RUSC2: variants seen among roughly 807,000 people sequenced by gnomAD.
RUSC2 encodes AP-4 complex accessory subunit RUSC2.
A neutral mutation model predicts 122.2 loss-of-function variants in RUSC2; 34 were observed. That is an observed-to-expected ratio of 0.28 (90% CI 0.21 to 0.37). RUSC2 has a LOEUF of 0.37. Among genes scored for constraint, RUSC2 ranks in the 10% least tolerant of loss-of-function variants. RUSC2 has a pLI of 1.00. For synonymous variants in RUSC2, 784 were observed against 790.0 expected (o/e 0.99, Z 0.13); for missense variants, 1,747 against 1,952.4 (o/e 0.89, Z 1.98).
chr9:35,551,911 A>T (rs1379572997), intron 2 of RUSC2, among the ~76,000 whole-genome samples: 4 of 151,894 alleles, frequency 2.6e-5, no homozygotes, highest in Admixed American at 6.6e-5. Context: ...AAAAAAATTT[A>T]AAAACAGCTG....
At chr9:35,511,799 ATTC>A (rs1252654592) in intron 1 of RUSC2, among the ~76,000 whole-genome samples, 3 of 152,174 alleles carry the variant, frequency 2.0e-5, no homozygotes, top group Non-Finnish European at 2.9e-5. Flanking sequence ...GCTTTTTGTA[ATTC>A]TTCTATTTTT....
chr9:35,493,591 C>T (rs1244956661), intron 1 of RUSC2, among the ~76,000 whole-genome samples: 1 of 152,138 alleles, frequency 6.6e-6, no homozygotes, highest in African/African-American at 2.4e-5. Flanking sequence ...GCAACTTTTG[C>T]CTCCCAGTTC....
intron 1 of RUSC2, among the ~76,000 whole-genome samples, chr9:35,532,101 G>C (rs1821432315): frequency 6.6e-6 from 1 of 152,216 alleles, no homozygotes; most frequent in African/African-American, 2.4e-5. Context: ...GTAGTTGTCT[G>C]AATGTAAAGA....
intron 1 of RUSC2, among the ~76,000 whole-genome samples, chr9:35,494,518 T>C (rs1820635318): frequency 1.3e-5 from 2 of 152,142 alleles, no homozygotes; most frequent in South Asian, 4.1e-4. Context: ...TATCTCATGA[T>C]TTTGATTCAT....
rs776549570 is a variant in RUSC2 at position 35,561,255 on chromosome 9, G to A, written c.4424G>A (p.Arg1475Gln). The change falls in exon 12 of 12, where the codon CGA becomes CAA. Residue 1475 changes from arginine to glutamine, a missense_variant. Coordinates refer to ENST00000361226, the MANE Select transcript of RUSC2 (RefSeq NM_014806.5). Reference sequence around the variant, plus strand: ...AGCTTCCACAAAGGAGACATCCTACGAGTGCTGGGGCGAGCTGGAGGAGAC... The same window carrying A: ...AGCTTCCACAAAGGAGACATCCTACAAGTGCTGGGGCGAGCTGGAGGAGAC... ...QLSFHKGDIL[R>Q]VLGRAGGDWL... The A allele has an allele frequency of 4.0e-5, 65 of 1,614,094 alleles. No individual in the cohort carries two copies. Among genetic ancestry groups the A allele is most frequent in the Middle Eastern group, 1.6e-4 (1 of 6,084 alleles).
At chr9:35,519,573 A>G (rs1821173181) in intron 1 of RUSC2, among the ~76,000 whole-genome samples, 1 of 152,208 alleles carries the variant, frequency 6.6e-6, no homozygotes, top group South Asian at 2.1e-4. Flanking sequence ...TGACTGATTC[A>G]GTCCTAGTGT....
rs1451868646 is a variant in RUSC2 at position 35,546,922 on chromosome 9, A to G, written c.401A>G (p.His134Arg). ...GCCACCCAGCAGTCCTTCCACCTGC[A>G]TGGCACTGGCCAGCCCAACTTTCAT... ...DSATQQSFHLHGTGQPNFHLS... is the reference protein window; with the variant it reads ...DSATQQSFHLRGTGQPNFHLS... Residue 134 changes from histidine (H) to arginine (R), a missense_variant, in exon 2 of 12, where the codon CAT becomes CGT. Physicochemically the swap from His to Arg is conservative, Grantham distance 29. Coordinates refer to ENST00000361226, the MANE Select transcript of RUSC2 (RefSeq NM_014806.5). The surrounding 1 kb of genome is among the most constrained non-coding windows in gnomAD (Gnocchi z 4.3). 3.8e-6 allele frequency: 6 copies of G among 1,575,474 alleles called. No homozygotes were observed. In the East Asian group the frequency reaches 6.7e-5, roughly 18 times the overall value.
intron 1 of RUSC2, among the ~76,000 whole-genome samples, chr9:35,545,402 C>T (rs1404400468): frequency 6.6e-6 from 1 of 152,222 alleles, no homozygotes. Context: ...GAGACTAGAA[C>T]TTGAGCAGGC....
chr9:35,542,315 C>T (rs1821657415), intron 1 of RUSC2, among the ~76,000 whole-genome samples: 1 of 152,148 alleles, frequency 6.6e-6, no homozygotes, highest in Non-Finnish European at 1.5e-5. Flanking sequence ...AACTATACAG[C>T]TTTTAGAAGA....
Position 35,547,780 on chromosome 9 carries a change from G to T in RUSC2, c.1259G>T (p.Cys420Phe), listed in dbSNP as rs766484254. 1.5e-5 allele frequency: 24 copies of T among 1,614,114 alleles called. No individual in the cohort carries two copies. The highest frequency in any genetic ancestry group is 2.0e-5 in the Non-Finnish European group (24 of 1,180,034). Residue 420 changes from cysteine (C) to phenylalanine (F), a missense_variant, in exon 2 of 12, where the codon TGC becomes TTC. Physicochemically the swap from Cys to Phe is radical, Grantham distance 205. Coordinates refer to ENST00000361226, the MANE Select transcript of RUSC2 (RefSeq NM_014806.5). The surrounding 1 kb of genome is among the most constrained non-coding windows in gnomAD (Gnocchi z 4.6). ...CCTGCTGGCTCTTCCATCACTAGCT[G>T]CTCTGAGGAACACACCAAGATAAGT... ...PSPAGSSITS[C>F]SEEHTKISPP... is the part of the protein sequence containing the mutation.
chr9:35,497,858 T>C (rs114507523), intron 1 of RUSC2, among the ~76,000 whole-genome samples: 260 of 152,336 alleles, frequency 1.7e-3, no homozygotes, highest in African/African-American at 5.4e-3. Flanking sequence ...GTGAAAGATA[T>C]GTATCTACAT....
chr9:35,561,678 G>A lies in RUSC2; in HGVS notation c.*296G>A, dbSNP rs1458527409. ...GTGAAGACAAGCAAGTCCCCCTGGA[G>A]GCGGGTGGCCCAGAAAGCCATCTAC... is the stretch of plus-strand genomic sequence containing the variant. On this transcript the variant is annotated 3_prime_UTR_variant, in exon 12 of 12. Coordinates refer to ENST00000361226, the MANE Select transcript of RUSC2 (RefSeq NM_014806.5). 4 of 532,402 alleles carry A rather than the reference G, an allele frequency of 7.5e-6. No individual in the cohort carries two copies. Among genetic ancestry groups the A allele is most frequent in the Non-Finnish European group, 1.3e-5 (4 of 303,086 alleles). 33.0% of individuals were successfully genotyped at this position (532,402 alleles called of 1,614,324 possible).
chr9:35,501,305 A>C (rs945641747), intron 1 of RUSC2, among the ~76,000 whole-genome samples: 2 of 152,202 alleles, frequency 1.3e-5, no homozygotes, highest in Admixed American at 6.5e-5. Flanking sequence ...GGCCGGGTGC[A>C]GTGGCTCACA....
chr9:35,546,710 C>G lies in RUSC2; in HGVS notation c.189C>G (p.Asp63Glu), dbSNP rs772867167. Residue 63 changes from aspartate (D) to glutamate (E), a missense_variant, in exon 2 of 12, where the codon GAC becomes GAG. Asp to Glu is a conservative substitution (Grantham distance 45). Coordinates refer to ENST00000361226, the MANE Select transcript of RUSC2 (RefSeq NM_014806.5). This position sits in a 1 kb window ranked among gnomAD's most constrained non-coding sequence, Gnocchi z 4.3. ...CCGATCAAGACCTAGGACAAGCTGA[C>G]TCCCTGCTATTCAGCAGCCTGCACT... The part of the protein sequence containing the change: ...TQPDQDLGQA[D>E]SLLFSSLHST... The G allele has an allele frequency of 4.5e-6, 7 of 1,560,884 alleles. 1 individual carries two copies. The Admixed American group carries it at 1.3e-4, about 30-fold the overall frequency.
At chr9:35,510,341 G>A (rs574895153) in intron 1 of RUSC2, among the ~76,000 whole-genome samples, 4 of 152,230 alleles carry the variant, frequency 2.6e-5, no homozygotes, top group South Asian at 2.1e-4. Context: ...GTGAGACCCC[G>A]TCTCTACAAT....
At chr9:35,525,194 G>T (rs1190140838) in intron 1 of RUSC2, among the ~76,000 whole-genome samples, 1 of 152,098 alleles carries the variant, frequency 6.6e-6, no homozygotes, top group Non-Finnish European at 1.5e-5. Context: ...ATCTACCAGG[G>T]GTAGGGTGGG....
Position 35,537,461 on chromosome 9 carries a change from C to CTCCT in RUSC2, c.-92-8959_-92-8956dup, listed in dbSNP as rs538227948. On this transcript the variant is annotated intron_variant, in intron 1 of 11. Transcript: ENST00000361226. ...TGGTTGGCTATGAACAGCAGCCTCC[C>CTCCT]TCCTTCCTTCCTTTCCTCACTGTTT... 1.9e-4 allele frequency among the ~76,000 whole-genome samples: 29 copies of CTCCT among 152,306 alleles called. No homozygotes were observed. The South Asian group carries it at 6.0e-3, about 32-fold the overall frequency.
At chr9:35,491,653 A>AT (rs1820570506) in intron 1 of RUSC2, among the ~76,000 whole-genome samples, 1 of 152,128 alleles carries the variant, frequency 6.6e-6, no homozygotes, top group South Asian at 2.1e-4. Context: ...ACATGTCTTT[A>AT]TAAAGTCTTG....
At chr9:35,554,074 G>T (rs1415411773) in intron 2 of RUSC2, among the ~76,000 whole-genome samples, 2 of 152,180 alleles carry the variant, frequency 1.3e-5, no homozygotes, top group African/African-American at 4.8e-5. Context: ...GCCTCGCAGA[G>T]CTACTGAGCC....
Sources: gnomAD v4.1 joint callset for allele counts (sites outside exome capture counted in the v4.1 genomes callset) on GRCh38, gnomAD v4.1.1 for gene constraint, Gnocchi (gnomAD v3.1) non-coding constraint, MANE v1.5 for transcripts, NCBI Gene and HGNC (gene_info 2026-07-23, HGNC 2026-07-21) for gene names.